CSF2RA: variants seen among roughly 807,000 people sequenced by gnomAD.
CSF2RA encodes colony stimulating factor 2 receptor subunit alpha.
Under a neutral mutation model 51.6 loss-of-function variants are expected in CSF2RA, and 42 were observed. The observed-to-expected ratio is 0.81, with a 90% CI of 0.64 to 1.05. CSF2RA has a LOEUF of 1.05. Among genes scored for constraint, CSF2RA ranks in the 50% least tolerant of loss-of-function variants. The pLI is 0.00. For synonymous variants in CSF2RA, 222 were observed against 193.0 expected, an observed-to-expected ratio of 1.15 and a Z score of -1.24; for missense variants, 530 against 501.1, an observed-to-expected ratio of 1.06 and a Z score of -0.55.
rs1426075040 is a variant in CSF2RA, at chrX:1,290,588, C to G, written c.646+79C>G. The G allele has an allele frequency of 5.8e-6, 8 of 1,388,060 alleles. No homozygotes were observed. The South Asian group carries it at 5.8e-5, about 10-fold the overall frequency. The allele number at this position is 1,388,060 out of a possible 1,614,324, so 86.0% of individuals were successfully genotyped here. On this transcript the variant is annotated intron_variant, in intron 7 of 12. Transcript: ENST00000381529. ...CTTAAAATCTGTGTAACTGAGGCCACGTGCGGTGTCTCACACCTGTAATCT... is the reference window on the plus strand; with the variant it reads ...CTTAAAATCTGTGTAACTGAGGCCAGGTGCGGTGTCTCACACCTGTAATCT...
chrX:1,279,170 G>C (rs1210158384), intron 2 of CSF2RA, among the ~76,000 whole-genome samples: 1 of 149,658 alleles, frequency 6.7e-6, no homozygotes, highest in Non-Finnish European at 1.5e-5. Flanking sequence ...GGCCAACATG[G>C]TGAAACCCCG....
chrX:1,315,460 G>A, the CSF2RA span, among the ~76,000 whole-genome samples: 2 of 152,046 alleles, frequency 1.3e-5, no homozygotes, highest in African/African-American at 4.8e-5. Context: ...CTGGAGTGCA[G>A]TGGCGCGATC....
chrX:1,280,794 A>G (rs73175794), intron 2 of CSF2RA, among the ~76,000 whole-genome samples: 1,475 of 134,870 alleles, frequency 0.011, 8 homozygotes, highest in Non-Finnish European at 0.017. Flanking sequence ...GTATATTGAC[A>G]TGGATCCACC....
intron 2 of CSF2RA, among the ~76,000 whole-genome samples, chrX:1,279,222 G>A (rs1385937977): frequency 2.7e-5 from 4 of 150,104 alleles, no homozygotes; most frequent in East Asian, 2.0e-4. Flanking sequence ...GTGTTGGTGC[G>A]TGCCTGTAGT....
intron 11 of CSF2RA, 77 bp from the exon 12 acceptor site, chrX:1,305,369 C>A (rs1438574710): frequency 1.3e-6 from 2 of 1,527,282 alleles, no homozygotes; most frequent in African/African-American, 2.7e-5. Flanking sequence ...CGCAGCATCC[C>A]TCGGCACAGG....
chrX:1,304,365 A>C (rs1213671770), intron 11 of CSF2RA, among the ~76,000 whole-genome samples: 1 of 138,198 alleles, frequency 7.2e-6, no homozygotes, highest in Non-Finnish European at 1.5e-5. Context: ...GCACCACTGC[A>C]CTCCAGCCTG....
At chrX:1,295,567 C>A in intron 9 of CSF2RA, 111 bp downstream of exon 9, 1 of 842,320 alleles carries the variant, frequency 1.2e-6, no homozygotes, top group Non-Finnish European at 1.9e-6. Flanking sequence ...CTACAGTCCC[C>A]TACCGACGAC....
intron 3 of CSF2RA, among the ~76,000 whole-genome samples, chrX:1,285,058 A>ATT (rs202071327): frequency 4.6e-5 from 7 of 151,566 alleles, no homozygotes; most frequent in Non-Finnish European, 8.8e-5. Flanking sequence ...CCTAATTTAA[A>ATT]TTTTTAAAAA....
chrX:1,277,287 T>C (rs2089301255), intron 2 of CSF2RA, among the ~76,000 whole-genome samples: 1 of 151,948 alleles, frequency 6.6e-6, no homozygotes, highest in Non-Finnish European at 1.5e-5. Context: ...AGGGGGTTCT[T>C]GGATCTCACG....
chrX:1,282,348 C>T (rs1412344820), intron 2 of CSF2RA: 2 of 354,722 alleles, frequency 5.6e-6, no homozygotes, highest in Non-Finnish European at 1.0e-5. Flanking sequence ...AAAGTGACTG[C>T]AATTTCCTTG....
chrX:1,286,908 G>A (rs2090743375), intron 4 of CSF2RA, among the ~76,000 whole-genome samples: 1 of 152,006 alleles, frequency 6.6e-6, no homozygotes, highest in South Asian at 2.1e-4. Flanking sequence ...CAGGGTTTTT[G>A]GAACACAGGA....
chrX:1,324,267 G>T, the CSF2RA span, among the ~76,000 whole-genome samples: 1 of 150,864 alleles, frequency 6.6e-6, no homozygotes, highest in African/African-American at 2.4e-5. Context: ...GTAGAGGCTG[G>T]AGGATCACTT....
chrX:1,291,736 G>C (rs1235046749), intron 7 of CSF2RA, among the ~76,000 whole-genome samples: 2 of 151,876 alleles, frequency 1.3e-5, no homozygotes, highest in Non-Finnish European at 2.9e-5. Context: ...ACCCAGTGTA[G>C]ACAGGAGGAG....
At chrX:1,295,862 CTAATGTAACT>C (rs2091895140) in intron 9 of CSF2RA, among the ~76,000 whole-genome samples, 1 of 131,866 alleles carries the variant, frequency 7.6e-6, no homozygotes, top group Non-Finnish European at 1.6e-5. Context: ...CTCACCACAC[CTAATGTAACT>C]CTACAGTCCC....
downstream of CSF2RA, among the ~76,000 whole-genome samples, chrX:1,310,667 CAAA>C (rs542174861): frequency 0.41 from 49,981 of 121,288 alleles, 9,479 homozygotes; most frequent in East Asian, 0.72. Flanking sequence ...GACTCCATCT[CAAA>C]AAAAAAAAAA....
chrX:1,305,058 A>T (rs1198470565), intron 11 of CSF2RA, among the ~76,000 whole-genome samples: 1 of 148,294 alleles, frequency 6.7e-6, no homozygotes, highest in African/African-American at 2.5e-5. Context: ...CAGTGGTGCA[A>T]TCTCGGCTCA....
downstream of CSF2RA, among the ~76,000 whole-genome samples, chrX:1,312,116 C>A (rs1261843309): frequency 6.6e-6 from 1 of 152,146 alleles, no homozygotes; most frequent in Non-Finnish European, 1.5e-5. Flanking sequence ...GCCACCACAC[C>A]TGGCTAACTT....
rs2090588555 is a variant in CSF2RA, at chrX:1,285,884, C to T, written c.183C>T (p.Phe61=). 6 of 1,613,786 alleles carry T rather than the reference C, an allele frequency of 3.7e-6. No individual in the cohort carries two copies. The Admixed American group carries it at 6.7e-5, about 18-fold the overall frequency. Residue 61 remains phenylalanine (F), a synonymous_variant, in exon 4 of 13, where the codon TTC becomes TTT. Coordinates refer to ENST00000381529, the MANE Select transcript of CSF2RA (RefSeq NM_172245.4). ...AAAACACAACCTTCAGCAAGTGTTT[C>T]TTAACTGACAAGAAGAACAGAGTCG... The part of the protein sequence containing the change: ...CQENTTFSKC[F]LTDKKNRVVE...
chrX:1,323,084 G>A, the CSF2RA span, among the ~76,000 whole-genome samples: 2,885 of 151,260 alleles, frequency 0.019, 83 homozygotes, highest in African/African-American at 0.066. Context: ...AGCCGAGATC[G>A]CGCCACCGCA....
Sources: gnomAD v4.1 joint callset for allele counts (sites outside exome capture counted in the v4.1 genomes callset) on GRCh38, gnomAD v4.1.1 for gene constraint, MANE v1.5 for transcripts, NCBI Gene and HGNC (gene_info 2026-07-23, HGNC 2026-07-21) for gene names.